Variants in PPP1R9A observed in about 807,000 individuals in gnomAD.
PPP1R9A encodes protein phosphatase 1 regulatory subunit 9A.
A neutral mutation model predicts 141.9 loss-of-function variants in PPP1R9A; 59 were observed. That is an observed-to-expected ratio of 0.42 (90% confidence interval 0.34 to 0.52). The LOEUF is 0.52. Among genes scored for constraint, PPP1R9A ranks in the 20% least tolerant of loss-of-function variants. The pLI, the probability that PPP1R9A is intolerant of heterozygous loss-of-function variation, is 0.10. For synonymous variants in PPP1R9A, 500 were observed against 569.7 expected (o/e 0.88, Z 1.74); for missense variants, 1,444 against 1,611.9 (o/e 0.90, Z 1.78).
At chr7:95,236,756 T>A (rs908747709) in intron 8 of PPP1R9A, among the ~76,000 whole-genome samples, 2 of 151,858 alleles carry the variant, frequency 1.3e-5, no homozygotes, top group African/African-American at 4.8e-5. Context: ...TCTTGGTTGA[T>A]TAATTGCACT....
chr7:94,933,018 G>A (rs1400187920), intron 2 of PPP1R9A, among the ~76,000 whole-genome samples: 1 of 148,590 alleles, frequency 6.7e-6, no homozygotes, highest in African/African-American at 2.4e-5. Context: ...GACAATTTAG[G>A]CATACACACA....
chr7:95,032,649 G>C (rs983681617), intron 2 of PPP1R9A, among the ~76,000 whole-genome samples: 2 of 152,124 alleles, frequency 1.3e-5, no homozygotes, highest in Non-Finnish European at 2.9e-5. Context: ...TCTGAATCTA[G>C]AAGTTCCATT....
chr7:95,253,012 A>G (rs891443260), intron 12 of PPP1R9A, among the ~76,000 whole-genome samples: 2 of 152,218 alleles, frequency 1.3e-5, no homozygotes, highest in Admixed American at 6.5e-5. Flanking sequence ...TAAATAAATT[A>G]CTTATGTTCT....
intron 2 of PPP1R9A, among the ~76,000 whole-genome samples, chr7:95,052,696 C>G (rs77216169): frequency 0.013 from 2,040 of 152,192 alleles, 21 homozygotes; most frequent in South Asian, 0.019. Context: ...ATGGGAGGGC[C>G]TTGTCAGTTC....
intron 4 of PPP1R9A, among the ~76,000 whole-genome samples, chr7:95,152,481 A>G (rs1254480344): frequency 1.3e-5 from 2 of 152,122 alleles, no homozygotes; most frequent in East Asian, 3.9e-4. Flanking sequence ...GTTTTGTCCC[A>G]TATGTTATAA....
chr7:95,074,470 T>TTG (rs1308442219), intron 2 of PPP1R9A, among the ~76,000 whole-genome samples: 4 of 113,052 alleles, frequency 3.5e-5, no homozygotes, highest in African/African-American at 7.3e-5. Context: ...TTTTTGTTTT[T>TTG]TTTTTTTTTG....
chr7:95,065,643 A>G (rs1289859210), intron 2 of PPP1R9A, among the ~76,000 whole-genome samples: 1 of 152,200 alleles, frequency 6.6e-6, no homozygotes, highest in African/African-American at 2.4e-5. Context: ...TTATTCTTCA[A>G]GAAACATCCA....
intron 2 of PPP1R9A, among the ~76,000 whole-genome samples, chr7:95,043,177 TAG>T (rs1414097349): frequency 6.6e-6 from 1 of 152,182 alleles, no homozygotes; most frequent in South Asian, 2.1e-4. Flanking sequence ...AATTAAATTC[TAG>T]AGAGACTTAA....
chr7:95,213,314 CTCTT>C (rs1563428187), intron 7 of PPP1R9A, among the ~76,000 whole-genome samples: 2 of 146,712 alleles, frequency 1.4e-5, no homozygotes, highest in Admixed American at 1.4e-4. Context: ...ATCTTTCTTT[CTCTT>C]TCTTTTTTTT....
intron 2 of PPP1R9A, among the ~76,000 whole-genome samples, chr7:94,995,311 T>G (rs1802036651): frequency 6.6e-6 from 1 of 152,070 alleles, no homozygotes; most frequent in Non-Finnish European, 1.5e-5. Flanking sequence ...ATGCTTGGGT[T>G]TTGTTGAGCT....
intron 7 of PPP1R9A, among the ~76,000 whole-genome samples, chr7:95,211,818 T>C (rs1356408759): frequency 2.6e-5 from 4 of 152,052 alleles, no homozygotes; most frequent in Non-Finnish European, 5.9e-5. Flanking sequence ...AAGACGTGTC[T>C]CTAAAAAAAT....
At chr7:95,065,867 G>A (rs373158318) in intron 2 of PPP1R9A, among the ~76,000 whole-genome samples, 135 of 151,772 alleles carry the variant, frequency 8.9e-4, no homozygotes, top group African/African-American at 3.2e-3. Context: ...AAAATTCAAG[G>A]AAAAAAAATA....
intron 3 of PPP1R9A, among the ~76,000 whole-genome samples, chr7:95,115,162 C>T (rs1821257801): frequency 6.6e-6 from 1 of 151,962 alleles, no homozygotes; most frequent in African/African-American, 2.4e-5. Context: ...ATATATCAAT[C>T]ATAATACTGA....
In PPP1R9A at chr7:95,284,162, A is replaced by G; in HGVS notation, c.3441A>G (p.Thr1147=). The G allele has an allele frequency of 1.9e-6, 3 of 1,589,264 alleles. No individual in the cohort carries two copies. The highest frequency in any genetic ancestry group is 2.6e-6 in the Non-Finnish European group (3 of 1,170,532). Residue 1147 remains threonine, a synonymous_variant, in exon 17 of 20, where the codon ACA becomes ACG. Transcript: ENST00000433360. ...SYSFRNLPAP[T]SSLQPSPETL... Reference sequence around the variant, plus strand: ...CCTTCAGGAACCTGCCTGCGCCTACAAGTTCCCTTCAGCCTTCTCCTGAGA... The same window carrying G: ...CCTTCAGGAACCTGCCTGCGCCTACGAGTTCCCTTCAGCCTTCTCCTGAGA...
chr7:94,946,644 A>G (rs747953736), intron 2 of PPP1R9A, among the ~76,000 whole-genome samples: 2 of 152,196 alleles, frequency 1.3e-5, no homozygotes, highest in Non-Finnish European at 2.9e-5. Flanking sequence ...TAGCCTGTGT[A>G]TATTGACTGT....
At position 95,248,348 on chromosome 7, in the gene PPP1R9A, C is replaced by T. The variant is rs116696286; in HGVS notation, c.2166+822C>T. On this transcript the variant is annotated intron_variant, in intron 9 of 19. Transcript: ENST00000433360. ...CATTGAACACTTGTTTTGGTTTCTCCGTGTGTTTTAAATGGAGATGAATTA... is the reference window on the plus strand; with the variant it reads ...CATTGAACACTTGTTTTGGTTTCTCTGTGTGTTTTAAATGGAGATGAATTA... 8.6e-3 allele frequency among the ~76,000 whole-genome samples: 1,291 copies of T among 149,502 alleles called. 16 individuals carry two copies. Among genetic ancestry groups the T allele is most frequent in the African/African-American group, 0.031 (1,237 of 40,492 alleles).
At chr7:95,034,705 A>G (rs1808203771) in intron 2 of PPP1R9A, among the ~76,000 whole-genome samples, 1 of 152,226 alleles carries the variant, frequency 6.6e-6, no homozygotes, top group Admixed American at 6.5e-5. Flanking sequence ...CTACAAATAC[A>G]GTAGTGCTGC....
At chr7:95,221,412 A>G (rs1794439824) in intron 7 of PPP1R9A, among the ~76,000 whole-genome samples, 1 of 151,664 alleles carries the variant, frequency 6.6e-6, no homozygotes, top group Admixed American at 6.6e-5. Context: ...CACTTAACCA[A>G]CTCCCCAATA....
rs1830542631 is a variant in PPP1R9A, at chr7:95,162,093, C to CT, written c.1754+126dup. 4 of 548,644 alleles carry CT rather than the reference C, an allele frequency of 7.3e-6. No homozygotes were observed. In the East Asian group the frequency reaches 9.5e-5, roughly 13 times the overall value. The allele number at this position is 548,644 out of a possible 1,614,324, so 34.0% of individuals were successfully genotyped here. Reference sequence around the variant, plus strand: ...ATTTTACCTGAATAGTAAAACTTTGCTTTTAGTTTTAAATATTTTCACCTT... The same window carrying CT: ...ATTTTACCTGAATAGTAAAACTTTGCTTTTTAGTTTTAAATATTTTCACCTT... On this transcript the variant is annotated intron_variant, in intron 5 of 19. Coordinates refer to ENST00000433360, the MANE Select transcript of PPP1R9A (RefSeq NM_001166160.2).
Sources: gnomAD v4.1 joint callset for allele counts (sites outside exome capture counted in the v4.1 genomes callset) on GRCh38, gnomAD v4.1.1 for gene constraint, MANE v1.5 for transcripts, NCBI Gene and HGNC (gene_info 2026-07-23, HGNC 2026-07-21) for gene names.